The following SENP7 variants were observed in gnomAD, a reference collection of about 807,000 sequenced individuals.
SENP7 encodes the protein SUMO specific peptidase 7, also known as sentrin-specific protease 7.
In SENP7, 64 loss-of-function variants were observed where a neutral mutation model predicts 141.2. The observed-to-expected ratio is 0.45, with a 90% CI of 0.37 to 0.56. The LOEUF (loss-of-function observed/expected upper bound fraction) is 0.56, where lower values mean the gene tolerates loss of function less well. Among genes scored for constraint, SENP7 ranks in the 20% least tolerant of loss-of-function variants. The probability of loss-of-function intolerance (pLI) is 0.00; values close to 1 mark genes in which losing one functional copy is unlikely to be tolerated. For missense variants in SENP7, 1,025 were observed against 1,212.2 expected, an observed-to-expected ratio of 0.85 and a Z score of 2.29; for synonymous variants, 382 against 426.4, an observed-to-expected ratio of 0.90 and a Z score of 1.28.
intron 4 of SENP7, among the ~76,000 whole-genome samples, chr3:101,434,024 T>C (rs757434695): frequency 1.3e-5 from 2 of 152,148 alleles, no homozygotes; most frequent in Non-Finnish European, 2.9e-5. Context: ...GGACAGACCA[T>C]ATGTTAGGTC....
Position 101,448,031 on chromosome 3 carries a change from T to C in SENP7, c.284+10924A>G, listed in dbSNP as rs1183311299. On this transcript the variant is annotated intron_variant, in intron 4 of 23. Transcript: ENST00000394095. ...TTTCAACAAATGGTGCTGGCACAAA[T>C]GAATATCCAAAGGCAAAAATATTAA... 2.0e-5 allele frequency among the ~76,000 whole-genome samples: 3 copies of C among 152,130 alleles called. No individual in the cohort carries two copies. The East Asian group carries it at 5.8e-4, about 29-fold the overall frequency.
rs184608796 is a variant in SENP7 at position 101,465,921 on chromosome 3, G to A, written c.187-6869C>T. On this transcript the variant is annotated intron_variant, in intron 3 of 23. Coordinates refer to ENST00000394095, the MANE Select transcript of SENP7 (RefSeq NM_020654.5). ...AATTATGAAAACAATTTATGATCTC[G>A]ATTAGAAATTCAACAAAGATTGATA... Among the ~76,000 whole-genome samples the A allele has an allele frequency of 6.6e-4, 101 of 152,060 alleles. No individual in the cohort carries two copies. The East Asian group carries it at 9.3e-3, about 14-fold the overall frequency.
chr3:101,442,856 A>AG (rs1028741549), intron 4 of SENP7, among the ~76,000 whole-genome samples: 2 of 152,104 alleles, frequency 1.3e-5, no homozygotes, highest in Non-Finnish European at 2.9e-5. Flanking sequence ...CAAAAAAAAA[A>AG]GAATTAATAA....
Position 101,330,327 on chromosome 3 carries a change from C to T in SENP7, c.2751+7G>A. ...CCTTCCTTCCCATCTGTAAAGAACA[C>T]ACTTACTTGGGAATCCTCTGCACTC... On this transcript the variant is annotated splice_region_variant and intron_variant, in intron 20 of 23. Coordinates refer to ENST00000394095, the MANE Select transcript of SENP7 (RefSeq NM_020654.5). 6.3e-7 allele frequency: 1 copy of T among 1,592,562 alleles called. No individual in the cohort carries two copies. The highest frequency in any genetic ancestry group is 8.6e-7 in the Non-Finnish European group (1 of 1,161,192).
At chr3:101,425,017 C>T (rs750204521) in intron 4 of SENP7, among the ~76,000 whole-genome samples, 12 of 152,278 alleles carry the variant, frequency 7.9e-5, no homozygotes, top group Non-Finnish European at 1.3e-4. Context: ...CTCTTGTCCA[C>T]CGCCATGTAA....
chr3:101,400,202 T>TAGGTCCTA (rs1293490969), intron 5 of SENP7, among the ~76,000 whole-genome samples: 3 of 152,244 alleles, frequency 2.0e-5, no homozygotes, highest in African/African-American at 7.2e-5. Flanking sequence ...TTATGTAATT[T>TAGGTCCTA]TAAAGTTTTC....
intron 3 of SENP7, among the ~76,000 whole-genome samples, chr3:101,471,038 G>C (rs1252838987): frequency 6.6e-6 from 1 of 152,204 alleles, no homozygotes; most frequent in Non-Finnish European, 1.5e-5. Flanking sequence ...CATGCTCATG[G>C]ATAGGGAGAA....
At chr3:101,343,987 T>C (rs752145873) in intron 13 of SENP7, 33 bp from the exon 14 acceptor site, 7 of 1,348,818 alleles carry the variant, frequency 5.2e-6, no homozygotes, top group Non-Finnish European at 7.0e-6. Flanking sequence ...GTATCAATAG[T>C]ATTATTTTTC....
At chr3:101,406,152 C>A (rs550037686) in intron 5 of SENP7, among the ~76,000 whole-genome samples, 1 of 152,260 alleles carries the variant, frequency 6.6e-6, no homozygotes, top group African/African-American at 2.4e-5. Flanking sequence ...TATTGTTGCA[C>A]TATTCACAAT....
intron 3 of SENP7, among the ~76,000 whole-genome samples, chr3:101,479,921 A>AAC (rs1553751527): frequency 0.1 from 7,358 of 72,246 alleles, 863 homozygotes; most frequent in Admixed American, 0.15. Context: ...AAAAAAAAAA[A>AAC]ACACACACAC....
upstream of SENP7, chr3:101,513,212 GGAAAAAAAAAA>G (rs2065942159): frequency 1.1e-3 from 146 of 135,992 alleles, no homozygotes; most frequent in Middle Eastern, 2.5e-3. Flanking sequence ...GGAGGGGAAA[GGAAAAAAAAAA>G]AAAAAAAAAA....
At chr3:101,501,241 T>G (rs1386680865) in intron 1 of SENP7, 122 bp from the exon 2 acceptor site, 3 of 633,166 alleles carry the variant, frequency 4.7e-6, no homozygotes, top group Non-Finnish European at 5.3e-6. Flanking sequence ...GATTTAGAAT[T>G]TACACATTTT....
chr3:101,431,329 G>A (rs2062159802), intron 4 of SENP7, among the ~76,000 whole-genome samples: 1 of 151,786 alleles, frequency 6.6e-6, no homozygotes, highest in South Asian at 2.1e-4. Flanking sequence ...CTCTTTGTAG[G>A]TCTCTAAGAA....
intron 4 of SENP7, chr3:101,457,679 T>G: frequency 1.5e-6 from 2 of 1,358,078 alleles, no homozygotes; most frequent in Non-Finnish European, 2.1e-6. Context: ...CAATGCACAC[T>G]TGTGCCTGCA....
At position 101,398,895 on chromosome 3, in the gene SENP7, G is replaced by C; in HGVS notation, c.643C>G (p.Leu215Val). Residue 215 changes from leucine to valine, a missense_variant, in exon 6 of 24, where the codon CTA (leucine) becomes GTA (valine). This residue lies in a region of SENP7 where 496 missense variants were observed against 503.5 expected (regional missense o/e 0.99). Transcript: ENST00000394095. ...SDGSLESYQN[L>V]NPHKSCYLSE... is the part of the protein sequence containing the mutation. ...AAATAACAGCTCTTGTGAGGGTTTA[G>C]ATTTTGATAAGATTCTAGGCTGCCA... 6.2e-7 allele frequency: 1 copy of C among 1,609,860 alleles called. No individual in the cohort carries two copies.
At chr3:101,455,936 T>C (rs2063338170) in intron 4 of SENP7, among the ~76,000 whole-genome samples, 1 of 152,120 alleles carries the variant, frequency 6.6e-6, no homozygotes, top group Admixed American at 6.6e-5. Context: ...GCTCCAGAAC[T>C]TTCAGTAGAG....
chr3:101,420,927 A>C (rs2061773920), intron 4 of SENP7, among the ~76,000 whole-genome samples: 1 of 152,156 alleles, frequency 6.6e-6, no homozygotes, highest in Admixed American at 6.5e-5. Context: ...AACCAAATAC[A>C]ATGCATGAAC....
rs370047720 is a variant in SENP7, at chr3:101,451,332, C to T, written c.284+7623G>A. Among the ~76,000 whole-genome samples the T allele has an allele frequency of 2.2e-3, 336 of 152,186 alleles. 2 individuals are homozygous for T. The highest frequency in any genetic ancestry group is 3.8e-3 in the Non-Finnish European group (258 of 68,004). On this transcript the variant is annotated intron_variant, in intron 4 of 23. Transcript: ENST00000394095. ...TTCCTTCTGAAACTATTCCAATCAA[C>T]AGAAAAAGAGGGAATCCTCCCTAAC...
chr3:101,372,391 A>C (rs2060206287), intron 6 of SENP7, among the ~76,000 whole-genome samples: 1 of 152,194 alleles, frequency 6.6e-6, no homozygotes, highest in South Asian at 2.1e-4. Flanking sequence ...AAAATGAGCA[A>C]AAGAGTAATA....
Sources: allele counts gnomAD v4.1 joint callset (sites outside exome capture counted in the v4.1 genomes callset), GRCh38; gene constraint gnomAD v4.1.1; regional missense constraint gnomAD v4.1.1; transcripts MANE v1.5; gene names NCBI Gene and HGNC (gene_info 2026-07-23, HGNC 2026-07-21).